ARV1: variants seen among roughly 807,000 people sequenced by gnomAD.
ARV1 encodes the protein protein ARV1.
In ARV1, 26 loss-of-function variants were observed where a neutral mutation model predicts 31.1. The ratio of observed to expected loss-of-function variants is 0.84; its 90% CI spans 0.61 to 1.16. The LOEUF (loss-of-function observed/expected upper bound fraction) is 1.16, where lower values mean the gene tolerates loss of function less well. Among genes scored for constraint, ARV1 ranks in the 50% most tolerant of loss-of-function variants. ARV1 has a pLI of 0.00. For missense variants in ARV1, 281 were observed against 324.9 expected, an observed-to-expected ratio of 0.86 and a Z score of 1.04; for synonymous variants, 117 against 123.2, an observed-to-expected ratio of 0.95 and a Z score of 0.34.
In ARV1 at chr1:230,995,824, A is replaced by G; in HGVS notation, c.513A>G (p.Lys171=). The G allele has an allele frequency of 6.2e-7, 1 of 1,614,156 alleles. No individual in the cohort carries two copies. Among genetic ancestry groups the G allele is most frequent in the Non-Finnish European group, 8.5e-7 (1 of 1,180,024 alleles). ...GGGTAGAACGGCCCATGACGGCAAA[A>G]AAAAAGCCCAACTTCATTTTGCTGC... ...FLWVERPMTA[K]KKPNFILLLK... The change falls in exon 4 of 6, where the codon AAA becomes AAG. Residue 171 remains lysine (K), a synonymous_variant. Coordinates refer to ENST00000310256, the MANE Select transcript of ARV1 (RefSeq NM_022786.3).
chr1:230,998,195 C>T (rs1457208445), intron 5 of ARV1, among the ~76,000 whole-genome samples: 2 of 152,198 alleles, frequency 1.3e-5, no homozygotes. Context: ...TGTTAGGAAG[C>T]AGGACCTTAG....
At chr1:230,989,940 A>T (rs12024261) in intron 2 of ARV1, among the ~76,000 whole-genome samples, 170 bp from the exon 3 acceptor site, 33,886 of 152,134 alleles carry the variant, frequency 0.22, 3,967 homozygotes, top group East Asian at 0.4. Flanking sequence ...TCTGATGGAC[A>T]TTGCTGATTA....
intron 4 of ARV1, among the ~76,000 whole-genome samples, chr1:230,996,629 G>A (rs955409957): frequency 2.6e-5 from 4 of 151,932 alleles, no homozygotes; most frequent in Non-Finnish European, 5.9e-5. Flanking sequence ...TAGAGACAGG[G>A]TTTCGACATG....
chr1:230,988,349 T>C lies in ARV1; in HGVS notation c.204T>C (p.Tyr68=), dbSNP rs754908815. 13 of 1,595,390 alleles carry C rather than the reference T, an allele frequency of 8.1e-6. No homozygotes were observed. In the Admixed American group the frequency reaches 8.4e-5, roughly 10 times the overall value. ...CKSCQKPVDK[Y]IEYDPVIILI... is the part of the protein sequence containing the mutation. ...CCTGCCAGAAACCTGTAGACAAATA[T>C]ATCGAGTATGATCCTGTTATCATCT... Residue 68 remains tyrosine (Y), a synonymous_variant, in exon 2 of 6, where the codon TAT becomes TAC. Coordinates refer to ENST00000310256, the MANE Select transcript of ARV1 (RefSeq NM_022786.3).
chr1:230,987,316 A>G (rs1373921826), intron 1 of ARV1, among the ~76,000 whole-genome samples: 2 of 152,218 alleles, frequency 1.3e-5, no homozygotes, highest in African/African-American at 4.8e-5. Context: ...ATATTTTCAG[A>G]ATGCTGTTGA....
At chr1:230,990,396 C>A in intron 3 of ARV1, 133 bp downstream of exon 3, 1 of 1,183,870 alleles carries the variant, frequency 8.4e-7, no homozygotes, top group Admixed American at 2.4e-5. Flanking sequence ...AAATTTTCAG[C>A]TCTACCACTA....
rs1376175524 is a variant in ARV1, at chr1:230,997,244, T to C, written c.797T>C (p.Phe266Ser). 6.2e-7 allele frequency: 1 copy of C among 1,614,070 alleles called. No individual in the cohort carries two copies. Among genetic ancestry groups the C allele is most frequent in the Admixed American group, 1.7e-5 (1 of 60,020 alleles). The change falls in exon 5 of 6, where the codon TTT becomes TCT. Residue 266 changes from phenylalanine (F) to serine (S), a missense_variant. Coordinates refer to ENST00000310256, the MANE Select transcript of ARV1 (RefSeq NM_022786.3). Reference protein sequence around the residue: ...EWDVGSDYAIFKSQDF With the variant: ...EWDVGSDYAISKSQDF Reference sequence around the variant, plus strand: ...GATGTTGGAAGTGATTATGCCATCTTTAAATCTCAGGACTTCTGAAGAGGT... The same window carrying C: ...GATGTTGGAAGTGATTATGCCATCTCTAAATCTCAGGACTTCTGAAGAGGT...
chr1:230,984,369 T>TGCGTGC (rs1278300143), intron 1 of ARV1, among the ~76,000 whole-genome samples: 111 of 88,526 alleles, frequency 1.3e-3, no homozygotes, highest in Middle Eastern at 7.4e-3. Flanking sequence ...TGTGCGTGTG[T>TGCGTGC]GTGTGTGTGT....
intron 2 of ARV1, among the ~76,000 whole-genome samples, 164 bp downstream of exon 2, chr1:230,988,603 AATAG>A (rs1443796888): frequency 6.6e-6 from 1 of 152,224 alleles, no homozygotes; most frequent in Admixed American, 6.5e-5. Flanking sequence ...TTCTAGAAAT[AATAG>A]ATGTTGATTT....
At position 230,988,381 on chromosome 1, in the gene ARV1, A is replaced by G; in HGVS notation, c.236A>G (p.Asn79Ser). The G allele has an allele frequency of 1.3e-6, 2 of 1,596,438 alleles. No individual in the cohort carries two copies. ...IEYDPVIILI[N>S]AILCKAQAYR... ...TATGATCCTGTTATCATCTTGATTA[A>G]TGCTATATTGTGCAAAGCTCAGGCC... The change falls in exon 2 of 6, where the codon AAT becomes AGT. Residue 79 changes from asparagine to serine, a missense_variant. By Grantham distance (46) the Asn-to-Ser change is conservative (BLOSUM62 1). Transcript: ENST00000310256.
chr1:230,983,280 C>T lies in ARV1; in HGVS notation c.174+4001C>T, dbSNP rs142337747. Among the ~76,000 whole-genome samples, 1,023 of 151,986 alleles carry T rather than the reference C, an allele frequency of 6.7e-3. 9 individuals carry two copies. Among genetic ancestry groups the T allele is most frequent in the African/African-American group, 0.023 (971 of 41,418 alleles). ...TACAAAAATTAGCCAGGCGTGGTGG[C>T]GCACTCTTGTAATCCCAGCTACTCG... is the stretch of plus-strand genomic sequence containing the variant. On this transcript the variant is annotated intron_variant, in intron 1 of 5. Transcript: ENST00000310256.
At chr1:230,986,316 A>G (rs1357659095) in intron 1 of ARV1, among the ~76,000 whole-genome samples, 1 of 152,140 alleles carries the variant, frequency 6.6e-6, no homozygotes, top group Non-Finnish European at 1.5e-5. Context: ...GTAATGACAC[A>G]AATGAAGTGG....
intron 5 of ARV1, among the ~76,000 whole-genome samples, chr1:230,999,228 G>A (rs542380136): frequency 6.6e-6 from 1 of 152,246 alleles, no homozygotes; most frequent in East Asian, 1.9e-4. Context: ...CAGGTCTGAT[G>A]TGGAATTCGG....
At chr1:230,984,278 A>G (rs762968158) in intron 1 of ARV1, among the ~76,000 whole-genome samples, 4 of 152,014 alleles carry the variant, frequency 2.6e-5, no homozygotes, top group Non-Finnish European at 4.4e-5. Flanking sequence ...AAAGAAACAT[A>G]TATACTAAAT....
At chr1:230,980,703 G>C (rs979174130) in intron 1 of ARV1, among the ~76,000 whole-genome samples, 1 of 149,564 alleles carries the variant, frequency 6.7e-6, no homozygotes, top group African/African-American at 2.5e-5. Flanking sequence ...TTACTGTACT[G>C]TCTTCTTCTG....
At chr1:230,981,180 A>G (rs1449387037) in intron 1 of ARV1, among the ~76,000 whole-genome samples, 2 of 152,166 alleles carry the variant, frequency 1.3e-5, no homozygotes, top group African/African-American at 2.4e-5. Flanking sequence ...ATTCCAACGC[A>G]TAGTCATCGT....
rs35764859 is a variant in ARV1, at chr1:230,990,117, G to A, written c.302G>A (p.Gly101Glu). Residue 101 changes from glycine (G) to glutamate (E), a missense_variant, in exon 3 of 6, where the codon GGA (glycine) becomes GAA (glutamate). Transcript: ENST00000310256. ...AATGTCTTTGACTATCAGATCCATG[G>A]AAAACTCTGCATATTTTGTTTGCTT... Reference protein sequence around the residue: ...ILFNTQINIHGKLCIFCLLCE... With the variant: ...ILFNTQINIHEKLCIFCLLCE... 6.6e-3 allele frequency: 10,530 copies of A among 1,603,664 alleles called. 67 individuals are homozygous for A. Among genetic ancestry groups the A allele is most frequent in the South Asian group, 0.02 (1,792 of 88,648 alleles).
At chr1:230,998,204 A>G (rs998734223) in intron 5 of ARV1, among the ~76,000 whole-genome samples, 3 of 152,242 alleles carry the variant, frequency 2.0e-5, no homozygotes, top group South Asian at 4.1e-4. Flanking sequence ...GCAGGACCTT[A>G]GGCAGGATCC....
At chr1:230,995,648 T>C (rs1203433561) in intron 3 of ARV1, 112 bp from the exon 4 acceptor site, 1 of 750,938 alleles carries the variant, frequency 1.3e-6, no homozygotes, top group Admixed American at 3.3e-5. Context: ...GAGAAAGTAT[T>C]TCTTATGAAG....
Sources: allele counts gnomAD v4.1 joint callset (sites outside exome capture counted in the v4.1 genomes callset), GRCh38; gene constraint gnomAD v4.1.1; transcripts MANE v1.5; gene names NCBI Gene and HGNC (gene_info 2026-07-23, HGNC 2026-07-21).